Variants in MYLK observed in about 807,000 individuals in gnomAD.
MYLK encodes the protein myosin light chain kinase, also known as myosin light chain kinase, smooth muscle.
MYLK carries 106 observed loss-of-function variants against 203.4 expected under a neutral mutation model. The ratio of observed to expected loss-of-function variants is 0.52; its 90% confidence interval spans 0.45 to 0.61. The LOEUF (loss-of-function observed/expected upper bound fraction) is 0.61, where lower values mean the gene tolerates loss of function less well. Among genes scored for constraint, MYLK ranks in the 20% least tolerant of loss-of-function variants. MYLK has a pLI of 0.00. For missense variants in MYLK, 2,072 were observed against 2,442.3 expected (o/e 0.85, Z 3.20); for synonymous variants, 867 against 959.5 (o/e 0.90, Z 1.78).
intron 2 of MYLK, among the ~76,000 whole-genome samples, chr3:123,840,199 G>A (rs181176505): frequency 3.9e-4 from 59 of 151,806 alleles, no homozygotes; most frequent in South Asian, 2.5e-3. Flanking sequence ...AAAGATAAAA[G>A]CAGAAATCAG....
At position 123,872,264 on chromosome 3, in the gene MYLK, T is replaced by C. The variant is rs2032844901; in HGVS notation, c.-127+4295A>G. Among the ~76,000 whole-genome samples the C allele has an allele frequency of 2.6e-5, 4 of 152,118 alleles. No homozygotes were observed. In the South Asian group the frequency reaches 8.3e-4, roughly 32 times the overall value. On this transcript the variant is annotated intron_variant, in intron 2 of 33. Coordinates refer to ENST00000360304, the MANE Select transcript of MYLK (RefSeq NM_053025.4). ...TTATGGCCCACAAAGCCTAAAATATTTGTTATCTGGCTATTATGACCTGTT... is the reference window on the plus strand; with the variant it reads ...TTATGGCCCACAAAGCCTAAAATATCTGTTATCTGGCTATTATGACCTGTT...
chr3:123,875,145 T>C (rs928626656), intron 2 of MYLK, among the ~76,000 whole-genome samples: 1 of 152,144 alleles, frequency 6.6e-6, no homozygotes, highest in African/African-American at 2.4e-5. Flanking sequence ...GAAATCTATG[T>C]TCACCTAAAA....
chr3:123,646,124 AAAC>A (rs746848643), intron 27 of MYLK, among the ~76,000 whole-genome samples: 7 of 152,322 alleles, frequency 4.6e-5, no homozygotes, highest in South Asian at 2.1e-4. Context: ...ACTCTGTCTC[AAAC>A]AACAACAACA....
rs752590947 is a variant in MYLK at position 123,709,872 on chromosome 3, C to A, written c.1826G>T (p.Ser609Ile). Residue 609 changes from serine to isoleucine, a missense_variant, in exon 14 of 34, where the codon AGT becomes ATT. Physicochemically the swap from Ser to Ile is moderately radical, Grantham distance 142. Around this residue, in one of 3 missense-constraint regions of MYLK, gnomAD observed 865 missense variants for 1,016.0 expected, o/e 0.85. Coordinates refer to ENST00000360304, the MANE Select transcript of MYLK (RefSeq NM_053025.4). ...GGGAGCCACAGGCAGAAGGTACTCA[C>A]TCTTCCTGCTACTCTTCTTTTCTGT... Reference protein sequence around the residue: ...TVHEKKSSRKSEYLLPVAPSK... With the variant: ...TVHEKKSSRKIEYLLPVAPSK... 1 of 1,614,174 alleles carries A rather than the reference C, an allele frequency of 6.2e-7. No homozygotes were observed. The highest frequency in any genetic ancestry group is 8.5e-7 in the Non-Finnish European group (1 of 1,180,034).
chr3:123,865,902 C>T (rs929861589), intron 2 of MYLK, among the ~76,000 whole-genome samples: 2 of 152,162 alleles, frequency 1.3e-5, no homozygotes, highest in African/African-American at 4.8e-5. Flanking sequence ...AATGCTCCTT[C>T]TGGGAACACT....
At chr3:123,857,811 G>A (rs1003797849) in intron 2 of MYLK, among the ~76,000 whole-genome samples, 4 of 150,572 alleles carry the variant, frequency 2.7e-5, no homozygotes, top group African/African-American at 9.8e-5. Context: ...AATAAAGAAA[G>A]AAAGAAAAAA....
chr3:123,798,802 C>T (rs1012194000), intron 3 of MYLK, among the ~76,000 whole-genome samples: 1 of 152,260 alleles, frequency 6.6e-6, no homozygotes, highest in East Asian at 1.9e-4. Context: ...CAGCCCATCG[C>T]CCCACCCACT....
At chr3:123,732,047 A>G (rs1285711445) in intron 11 of MYLK, among the ~76,000 whole-genome samples, 1 of 138,734 alleles carries the variant, frequency 7.2e-6, no homozygotes, top group African/African-American at 2.7e-5. Context: ...GGTGAAAGTT[A>G]TTTGTTCCAC....
At chr3:123,656,803 AGAG>A (rs2059400799) in intron 24 of MYLK, among the ~76,000 whole-genome samples, 1 of 152,228 alleles carries the variant, frequency 6.6e-6, no homozygotes, top group Non-Finnish European at 1.5e-5. Context: ...TATGGATACA[AGAG>A]GAGAAGAGAA....
At chr3:123,645,684 G>A (rs977211158) in intron 27 of MYLK, among the ~76,000 whole-genome samples, 16 of 151,702 alleles carry the variant, frequency 1.1e-4, no homozygotes, top group African/African-American at 3.4e-4. Context: ...GGTTACAAAC[G>A]ATGCTTGTTT....
chr3:123,764,764 C>T (rs1432389686), intron 4 of MYLK, among the ~76,000 whole-genome samples: 1 of 152,196 alleles, frequency 6.6e-6, no homozygotes, highest in Admixed American at 6.5e-5. Flanking sequence ...CTCACTGCTC[C>T]TTATCAGATC....
At chr3:123,827,694 CATATATATATATAT>C (rs3052386) in intron 3 of MYLK, among the ~76,000 whole-genome samples, 654 of 24,270 alleles carry the variant, frequency 0.027, 13 homozygotes, top group South Asian at 0.051. Context: ...TGAAAAACAC[CATATATATATATAT>C]ATATATATAT....
At chr3:123,748,269 G>A (rs1479521924) in intron 5 of MYLK, among the ~76,000 whole-genome samples, 2 of 152,182 alleles carry the variant, frequency 1.3e-5, no homozygotes, top group Non-Finnish European at 2.9e-5. Flanking sequence ...TCACCAAGGG[G>A]ATGGTATTAA....
chr3:123,663,998 T>A, intron 23 of MYLK, 107 bp downstream of exon 23: 1 of 1,477,704 alleles, frequency 6.8e-7, no homozygotes, highest in African/African-American at 1.4e-5. Flanking sequence ...GGCACAGGAG[T>A]GGTGAGAGAT....
At chr3:123,735,133 T>C (rs1408286676) in intron 9 of MYLK, 2 of 496,274 alleles carry the variant, frequency 4.0e-6, no homozygotes, top group Non-Finnish European at 7.5e-6. Context: ...CTCAGGATGC[T>C]AACCAGAGAA....
chr3:123,627,856 G>A (rs1157913644), intron 30 of MYLK, among the ~76,000 whole-genome samples: 1 of 152,122 alleles, frequency 6.6e-6, no homozygotes, highest in East Asian at 1.9e-4. Context: ...CAGTTCTTTG[G>A]TGAATCCATT....
chr3:123,792,871 C>T (rs1415079267), intron 4 of MYLK, among the ~76,000 whole-genome samples: 29 of 152,298 alleles, frequency 1.9e-4, no homozygotes, highest in Admixed American at 1.8e-3. Flanking sequence ...GTCTTGACTA[C>T]ACAGGTCCAT....
At chr3:123,703,045 C>A (rs747871394) in intron 16 of MYLK, among the ~76,000 whole-genome samples, 88 of 152,220 alleles carry the variant, frequency 5.8e-4, no homozygotes, top group Non-Finnish European at 1.1e-3. Context: ...AGCTGGCAGG[C>A]ACCTGCACCT....
chr3:123,876,446 G>A (rs1038570436), intron 2 of MYLK, 113 bp downstream of exon 2: 2 of 152,064 alleles, frequency 1.3e-5, no homozygotes, highest in African/African-American at 4.8e-5. Flanking sequence ...TTCTAAAATT[G>A]TCTATATGAA....
Sources: gnomAD v4.1 joint callset for allele counts (sites outside exome capture counted in the v4.1 genomes callset) on GRCh38, gnomAD v4.1.1 for gene constraint, gnomAD v4.1.1 regional missense constraint, MANE v1.5 for transcripts, NCBI Gene and HGNC (gene_info 2026-07-23, HGNC 2026-07-21) for gene names.